Variants in GRIP1 observed in about 807,000 individuals in gnomAD.
GRIP1 encodes the protein glutamate receptor interacting protein 1, also known as glutamate receptor-interacting protein 1.
Under a neutral mutation model 129.9 loss-of-function variants are expected in GRIP1, and 45 were observed. That is an observed-to-expected ratio of 0.35 (90% confidence interval 0.27 to 0.44). GRIP1 has a LOEUF of 0.44. GRIP1 is among the 20% of genes least tolerant of loss of function. The pLI, the probability that GRIP1 is intolerant of heterozygous loss-of-function variation, is 1.00. For synonymous variants in GRIP1, 530 were observed against 520.8 expected (o/e 1.02, Z -0.24); for missense variants, 1,196 against 1,396.8 (o/e 0.86, Z 2.29).
At position 66,947,387 on chromosome 12, in the gene GRIP1, C is replaced by T. The variant is rs997068714; in HGVS notation, c.58+121663G>A. 9.2e-5 allele frequency among the ~76,000 whole-genome samples: 14 copies of T among 152,326 alleles called. No individual in the cohort carries two copies. In the South Asian group the frequency reaches 1.0e-3, roughly 11 times the overall value. ...GCCATAAGGATATGCTCAGCCCTTA[C>T]GTTGTAAATGTGAAAGTATTTAGAA... On this transcript the variant is annotated intron_variant, in intron 1 of 1. Coordinates refer to the GRIP1 transcript ENST00000643019.
chr12:66,640,462 G>A (rs1379648784), intron 1 of GRIP1, among the ~76,000 whole-genome samples: 1 of 152,072 alleles, frequency 6.6e-6, no homozygotes, highest in African/African-American at 2.4e-5. Context: ...TAGATTATAT[G>A]GCAAAATATC....
At chr12:66,694,724 A>G (rs2035095389) in intron 1 of GRIP1, among the ~76,000 whole-genome samples, 1 of 152,188 alleles carries the variant, frequency 6.6e-6, no homozygotes, top group Non-Finnish European at 1.5e-5. Flanking sequence ...CCCAACCCAC[A>G]GTCACCTAGT....
At chr12:66,606,067 C>T (rs1239534433) in intron 1 of GRIP1, among the ~76,000 whole-genome samples, 1 of 152,110 alleles carries the variant, frequency 6.6e-6, no homozygotes, top group Non-Finnish European at 1.5e-5. Context: ...CTCTCAACTC[C>T]CTCTCTCGTG....
At chr12:66,546,328 T>TC (rs1831146926) in intron 2 of GRIP1, among the ~76,000 whole-genome samples, 1 of 151,872 alleles carries the variant, frequency 6.6e-6, no homozygotes, top group South Asian at 2.1e-4. Context: ...TGCATAATTT[T>TC]TTTTTTTTTT....
At chr12:66,699,596 G>C (rs2035281194) in intron 1 of GRIP1, among the ~76,000 whole-genome samples, 1 of 152,162 alleles carries the variant, frequency 6.6e-6, no homozygotes, top group Non-Finnish European at 1.5e-5. Context: ...CTCCTCAGCT[G>C]TGTGGAACTG....
intron 2 of GRIP1, among the ~76,000 whole-genome samples, chr12:66,558,798 T>C (rs1429313559): frequency 8.4e-6 from 1 of 118,448 alleles, no homozygotes; most frequent in Non-Finnish European, 1.8e-5. Flanking sequence ...TTCCAAAAAA[T>C]AAAGGAGAGA....
chr12:66,981,083 T>C (rs1052140187), intron 1 of GRIP1, among the ~76,000 whole-genome samples: 2 of 152,196 alleles, frequency 1.3e-5, no homozygotes, highest in Non-Finnish European at 2.9e-5. Context: ...TCGAAGCTCC[T>C]ATTTATGTTA....
intron 1 of GRIP1, among the ~76,000 whole-genome samples, chr12:66,957,630 G>A (rs1592391710): frequency 1.3e-5 from 2 of 152,198 alleles, no homozygotes; most frequent in Admixed American, 1.3e-4. Context: ...TTAGATGTTT[G>A]TCTCATGATT....
intron 1 of GRIP1, among the ~76,000 whole-genome samples, chr12:67,063,564 G>A (rs931244273): frequency 1.7e-4 from 26 of 151,974 alleles, no homozygotes; most frequent in African/African-American, 5.3e-4. Context: ...ATTTGGCTTC[G>A]CATTTGAATT....
chr12:66,991,146 G>A (rs868522755), intron 1 of GRIP1, among the ~76,000 whole-genome samples: 22 of 151,268 alleles, frequency 1.5e-4, no homozygotes, highest in African/African-American at 5.4e-4. Flanking sequence ...GGTGGTGGGC[G>A]CCTGTAGTCC....
At chr12:66,770,620 G>A (rs1352346479) in intron 1 of GRIP1, among the ~76,000 whole-genome samples, 1 of 152,132 alleles carries the variant, frequency 6.6e-6, no homozygotes, top group African/African-American at 2.4e-5. Flanking sequence ...CACAAGCAGG[G>A]GACTGAGGAC....
chr12:66,575,726 T>C (rs17779336), intron 2 of GRIP1, among the ~76,000 whole-genome samples: 37,261 of 152,026 alleles, frequency 0.25, 4,700 homozygotes, highest in Admixed American at 0.28. Flanking sequence ...AAGAAGAACA[T>C]AGGCAAGAAG....
chr12:67,029,197 C>T (rs575305637), intron 1 of GRIP1, among the ~76,000 whole-genome samples: 8 of 152,236 alleles, frequency 5.3e-5, no homozygotes, highest in East Asian at 1.9e-4. Flanking sequence ...CTGCAACCTC[C>T]GCCTCTCAAG....
intron 23 of GRIP1, among the ~76,000 whole-genome samples, chr12:66,367,616 T>C (rs931851275): frequency 2.0e-5 from 3 of 152,204 alleles, no homozygotes; most frequent in Non-Finnish European, 4.4e-5. Flanking sequence ...GAAGTCAGCT[T>C]AGTGAGATTA....
chr12:66,768,980 G>A (rs2037731974), intron 1 of GRIP1, among the ~76,000 whole-genome samples: 1 of 152,162 alleles, frequency 6.6e-6, no homozygotes, highest in African/African-American at 2.4e-5. Flanking sequence ...AATGGTATGG[G>A]ATTCCACAAC....
chr12:66,760,871 A>G (rs1292683100), intron 1 of GRIP1, among the ~76,000 whole-genome samples: 1 of 151,792 alleles, frequency 6.6e-6, no homozygotes, highest in East Asian at 1.9e-4. Flanking sequence ...TAATTCCCCA[A>G]AAGTAGCCTG....
At chr12:66,683,600 AG>A (rs2034668047), upstream of GRIP1, among the ~76,000 whole-genome samples, 1 of 152,182 alleles carries the variant, frequency 6.6e-6, no homozygotes, top group South Asian at 2.1e-4. Context: ...AAAAGCACTT[AG>A]TAGCTCAGGG....
chr12:67,058,917 A>G (rs2135879943), intron 1 of GRIP1, among the ~76,000 whole-genome samples: 1 of 152,326 alleles, frequency 6.6e-6, no homozygotes, highest in South Asian at 2.1e-4. Flanking sequence ...AGGAGCAAAA[A>G]ATCAGATGTA....
At chr12:66,667,588 A>C (rs1302134009) in intron 1 of GRIP1, among the ~76,000 whole-genome samples, 1 of 152,196 alleles carries the variant, frequency 6.6e-6, no homozygotes, top group Non-Finnish European at 1.5e-5. Context: ...CCAGGATAAC[A>C]GGGCATGATC....
Sources: allele counts gnomAD v4.1 joint callset (sites outside exome capture counted in the v4.1 genomes callset), GRCh38; gene constraint gnomAD v4.1.1; transcripts MANE v1.5; gene names NCBI Gene and HGNC (gene_info 2026-07-23, HGNC 2026-07-21).